RYR2: variants seen among roughly 807,000 people sequenced by gnomAD.
RYR2 encodes the protein cardiac muscle ryanodine receptor-calcium release channel.
RYR2 carries 227 observed loss-of-function variants against 601.1 expected under a neutral mutation model. The ratio of observed to expected loss-of-function variants is 0.38; its 90% CI spans 0.34 to 0.42. The LOEUF (loss-of-function observed/expected upper bound fraction) is 0.42. Ranked by LOEUF, RYR2 falls within the 10% of genes least tolerant of loss-of-function variation. The probability of loss-of-function intolerance (pLI) is 1.00; values close to 1 mark genes in which losing one functional copy is unlikely to be tolerated. For missense variants in RYR2, 4,646 were observed against 6,156.5 expected (o/e 0.75, Z 8.21); for synonymous variants, 2,223 against 2,175.1 (o/e 1.02, Z -0.61).
rs1558505024 is a variant in RYR2 at position 237,831,514 on chromosome 1, G to A, written c.14757G>A (p.Leu4919=). 1 of 1,540,878 alleles carries A rather than the reference G, an allele frequency of 6.5e-7. No individual in the cohort carries two copies. ...CTGATCAGTTTCTCTGTATCTGTAG[G>A]TTTTTTCTGATGTATCTTATAAACA... ...TLQEHNLANY[L]FFLMYLINKD... The change falls in exon 104 of 105, where the codon TTG becomes TTA. Residue 4919 remains leucine (L), a splice_region_variant and synonymous_variant. Transcript: ENST00000366574.
intron 1 of RYR2, among the ~76,000 whole-genome samples, chr1:237,267,220 A>G (rs1410954818): frequency 6.6e-6 from 1 of 152,162 alleles, no homozygotes; most frequent in Non-Finnish European, 1.5e-5. Context: ...TCATATATCA[A>G]AAAGATACTC....
chr1:237,154,932 A>G (rs1385561929), intron 1 of RYR2, among the ~76,000 whole-genome samples: 1 of 152,146 alleles, frequency 6.6e-6, no homozygotes, highest in Non-Finnish European at 1.5e-5. Flanking sequence ...GCCCCATTAC[A>G]GAAAAGAAAA....
At chr1:237,335,397 A>G (rs1454030361) in intron 3 of RYR2, among the ~76,000 whole-genome samples, 1 of 152,200 alleles carries the variant, frequency 6.6e-6, no homozygotes, top group Non-Finnish European at 1.5e-5. Flanking sequence ...GAGGTGACGT[A>G]GTATAGTAGA....
chr1:237,318,734 A>G (rs1261763348), intron 2 of RYR2, among the ~76,000 whole-genome samples: 2 of 151,770 alleles, frequency 1.3e-5, no homozygotes, highest in East Asian at 1.9e-4. Flanking sequence ...AAATACTTCT[A>G]TTTTTGTCTG....
chr1:237,186,271 A>G (rs1679326272), intron 1 of RYR2, among the ~76,000 whole-genome samples: 1 of 152,218 alleles, frequency 6.6e-6, no homozygotes, highest in Non-Finnish European at 1.5e-5. Context: ...TAGTACAGAC[A>G]GTGCATTTAG....
chr1:237,435,810 A>G (rs1707296508), intron 12 of RYR2, among the ~76,000 whole-genome samples: 1 of 152,220 alleles, frequency 6.6e-6, no homozygotes, highest in Non-Finnish European at 1.5e-5. Flanking sequence ...AGAGTAATCA[A>G]TCAGGGTTCA....
At chr1:237,458,132 A>C (rs890715139) in intron 16 of RYR2, among the ~76,000 whole-genome samples, 8 of 152,102 alleles carry the variant, frequency 5.3e-5, no homozygotes, top group African/African-American at 1.9e-4. Flanking sequence ...CTGTCTTTTA[A>C]AGTTACTCTT....
chr1:237,163,116 G>T (rs1676223863), intron 1 of RYR2, among the ~76,000 whole-genome samples: 1 of 152,100 alleles, frequency 6.6e-6, no homozygotes, highest in Non-Finnish European at 1.5e-5. Context: ...TTTAATTTTT[G>T]ACTTGAAATA....
At chr1:237,044,956 CT>C (rs4006366) in intron 1 of RYR2, among the ~76,000 whole-genome samples, 3,761 of 144,522 alleles carry the variant, frequency 0.026, 70 homozygotes, top group African/African-American at 0.058. Context: ...TCTTCTTCTT[CT>C]TTTTTTTTTT....
intron 1 of RYR2, among the ~76,000 whole-genome samples, chr1:237,058,707 A>C (rs542335909): frequency 4.7e-4 from 70 of 150,316 alleles, no homozygotes; most frequent in Non-Finnish European, 7.4e-4. Flanking sequence ...ACTTGAGCCC[A>C]GAAGCTTGAG....
chr1:237,233,826 A>G (rs1262778821), intron 1 of RYR2, among the ~76,000 whole-genome samples: 1 of 151,524 alleles, frequency 6.6e-6, no homozygotes, highest in African/African-American at 2.4e-5. Context: ...AGCTGCGATG[A>G]CAGGGGCACA....
rs555141754 is a variant in RYR2, at chr1:237,194,509, C to T, written c.49-75988C>T. On this transcript the variant is annotated intron_variant, in intron 1 of 104. Coordinates refer to ENST00000366574, the MANE Select transcript of RYR2 (RefSeq NM_001035.3). ...AGGGGCAGAATCCAGGGCAGGTGGCCGAGACAGGAAGGGATCGGGAGGGCC... is the reference window on the plus strand; with the variant it reads ...AGGGGCAGAATCCAGGGCAGGTGGCTGAGACAGGAAGGGATCGGGAGGGCC... Among the ~76,000 whole-genome samples, 41 of 152,126 alleles carry T rather than the reference C, an allele frequency of 2.7e-4. No homozygotes were observed. In the South Asian group the frequency reaches 7.5e-3, roughly 28 times the overall value.
intron 1 of RYR2, among the ~76,000 whole-genome samples, chr1:237,266,871 C>T (rs926766234): frequency 2.0e-5 from 3 of 151,930 alleles, no homozygotes; most frequent in Non-Finnish European, 2.9e-5. Flanking sequence ...CTCTCCTGAA[C>T]TGAACCATGA....
At chr1:237,829,498 G>C (rs1241396272) in intron 102 of RYR2, among the ~76,000 whole-genome samples, 1 of 152,190 alleles carries the variant, frequency 6.6e-6, no homozygotes. Flanking sequence ...TGGTGGCATA[G>C]TTAGCTGACC....
chr1:237,471,058 A>C (rs1660667497), intron 17 of RYR2: 1 of 154,488 alleles, frequency 6.5e-6, no homozygotes, highest in Admixed American at 6.5e-5. Flanking sequence ...ACATTTGCAT[A>C]GGAAGGCTGG....
intron 24 of RYR2, among the ~76,000 whole-genome samples, chr1:237,528,747 C>G (rs1667830806): frequency 6.6e-6 from 1 of 152,086 alleles, no homozygotes; most frequent in Non-Finnish European, 1.5e-5. Flanking sequence ...CACCATGTGA[C>G]TTTGTCTCTC....
intron 34 of RYR2, among the ~76,000 whole-genome samples, chr1:237,600,376 A>G (rs1167734943): frequency 1.3e-5 from 2 of 152,218 alleles, no homozygotes; most frequent in Non-Finnish European, 2.9e-5. Context: ...AATAAATGGT[A>G]CAGGGAAAAT....
rs556269614 is a variant in RYR2, at chr1:237,631,613, A to ATTTTTTTTTTT, written c.6555+94_6555+104dup. 162 of 208,588 alleles carry ATTTTTTTTTTT rather than the reference A, an allele frequency of 7.8e-4. 24 individuals are homozygous for ATTTTTTTTTTT. Among genetic ancestry groups the ATTTTTTTTTTT allele is most frequent in the African/African-American group, 7.1e-3 (105 of 14,850 alleles). The allele number at this position is 208,588 out of a possible 1,614,324, so 12.9% of individuals were successfully genotyped here. A position where few individuals can be genotyped will look rare whatever the true frequency, so the allele number is the denominator to read the frequency against. Reference sequence around the variant, plus strand: ...GTATATAGATTGATATAGAATGCAGATTTTTTTTTTTTTTTTTTTTTTTTT... The same window carrying ATTTTTTTTTTT: ...GTATATAGATTGATATAGAATGCAGATTTTTTTTTTTTTTTTTTTTTTTTTTTTTTTTTTTT... On this transcript the variant is annotated intron_variant, in intron 42 of 104. Coordinates refer to ENST00000366574, the MANE Select transcript of RYR2 (RefSeq NM_001035.3).
At chr1:237,821,223 C>T (rs753365537) in intron 101 of RYR2, among the ~76,000 whole-genome samples, 3 of 152,128 alleles carry the variant, frequency 2.0e-5, no homozygotes, top group Non-Finnish European at 2.9e-5. Flanking sequence ...CCCATGTATC[C>T]TGACTGGGAG....
Sources: gnomAD v4.1 joint callset for allele counts (sites outside exome capture counted in the v4.1 genomes callset) on GRCh38, gnomAD v4.1.1 for gene constraint, MANE v1.5 for transcripts, NCBI Gene and HGNC (gene_info 2026-07-23, HGNC 2026-07-21) for gene names.